The following ANKS1B variants were observed in gnomAD, a reference collection of about 807,000 sequenced individuals.
The protein encoded by ANKS1B is ankyrin repeat and sterile alpha motif domain-containing protein 1B.
A neutral mutation model predicts 148.3 loss-of-function variants in ANKS1B; 36 were observed. That is an observed-to-expected ratio of 0.24 (90% confidence interval 0.19 to 0.32). The LOEUF is 0.32. ANKS1B is among the 10% of genes least tolerant of loss of function. ANKS1B has a pLI of 1.00. For missense variants in ANKS1B, 1,157 were observed against 1,542.6 expected, an observed-to-expected ratio of 0.75 and a Z score of 4.19; for synonymous variants, 542 against 560.8, an observed-to-expected ratio of 0.97 and a Z score of 0.47.
Position 98,944,565 on chromosome 12 carries a change from C to T in ANKS1B, c.2778+108592G>A, listed in dbSNP as rs183134851. On this transcript the variant is annotated intron_variant, in intron 17 of 26. Transcript: ENST00000683438. ...CTGCCTACCAAAATAAATGTACACA[C>T]TATTATATATGCATACAAACTAGGA... Among the ~76,000 whole-genome samples the T allele has an allele frequency of 2.6e-3, 400 of 152,144 alleles. 5 individuals carry two copies. The East Asian group carries it at 0.048, about 18-fold the overall frequency.
chr12:99,019,429 G>T (rs1344783083), intron 17 of ANKS1B, among the ~76,000 whole-genome samples: 1 of 152,140 alleles, frequency 6.6e-6, no homozygotes, highest in Non-Finnish European at 1.5e-5. Context: ...AGTCATTATA[G>T]CTATTGTTTG....
chr12:99,453,068 A>G (rs1280555469), intron 10 of ANKS1B, among the ~76,000 whole-genome samples: 2 of 152,142 alleles, frequency 1.3e-5, no homozygotes, highest in African/African-American at 2.4e-5. Flanking sequence ...AGGTGGGCGG[A>G]TCACAAGGTC....
chr12:99,252,897 C>A (rs1237875278), intron 12 of ANKS1B, among the ~76,000 whole-genome samples: 1 of 151,936 alleles, frequency 6.6e-6, no homozygotes. Flanking sequence ...GTGAAAACAC[C>A]AAAGATGTGA....
At chr12:99,737,369 C>A (rs1279902226) in intron 8 of ANKS1B, among the ~76,000 whole-genome samples, 1 of 152,018 alleles carries the variant, frequency 6.6e-6, no homozygotes, top group Non-Finnish European at 1.5e-5. Context: ...ACAATGAGAT[C>A]CTGTCATTTG....
rs143558317 is a variant in ANKS1B at position 99,166,349 on chromosome 12, C to T, written c.2420-11954G>A. On this transcript the variant is annotated intron_variant, in intron 14 of 26. Coordinates refer to ENST00000683438, the MANE Select transcript of ANKS1B (RefSeq NM_001352186.2). ...GAACTGCTTCTTGCTTCTATTCCCA[C>T]ATGACATGATTTTCTATGTATAAAA... Among the ~76,000 whole-genome samples the T allele has an allele frequency of 6.8e-3, 1,026 of 151,918 alleles. 5 individuals carry two copies. The highest frequency in any genetic ancestry group is 9.6e-3 in the Non-Finnish European group (648 of 67,800).
At chr12:98,877,532 T>C (rs11109644) in intron 17 of ANKS1B, among the ~76,000 whole-genome samples, 58,660 of 152,098 alleles carry the variant, frequency 0.39, 12,517 homozygotes, top group Middle Eastern at 0.55. Context: ...CAAGGATGTA[T>C]ACATGGCAAG....
chr12:99,151,443 G>A (rs185560031), intron 15 of ANKS1B, among the ~76,000 whole-genome samples: 14 of 151,614 alleles, frequency 9.2e-5, no homozygotes, highest in Admixed American at 3.9e-4. Flanking sequence ...CAGGAGAATC[G>A]CTTGAACTGG....
chr12:99,967,936 A>T (rs997312712), intron 1 of ANKS1B, among the ~76,000 whole-genome samples: 2 of 151,880 alleles, frequency 1.3e-5, no homozygotes, highest in Non-Finnish European at 2.9e-5. Context: ...AAAAGAAAAA[A>T]GAAAAATGGA....
intron 9 of ANKS1B, among the ~76,000 whole-genome samples, chr12:99,540,434 A>G (rs184980519): frequency 4.6e-5 from 7 of 152,320 alleles, no homozygotes; most frequent in African/African-American, 1.7e-4. Flanking sequence ...AACAAGTCTC[A>G]ATACATTTTA....
At chr12:98,781,632 C>T in intron 23 of ANKS1B, 1 of 359,696 alleles carries the variant, frequency 2.8e-6, no homozygotes, top group South Asian at 2.2e-5. Context: ...ATGCACCCCC[C>T]CTTTTCCTAG....
chr12:98,807,922 A>G lies in ANKS1B; in HGVS notation c.3067-4T>C. On this transcript the variant is annotated splice_polypyrimidine_tract_variant and splice_region_variant and intron_variant, in intron 19 of 26. Transcript: ENST00000683438. ...ATATTTCACAGACAGACGACTGCTGATATAAACAGAAAACTATCTTATCTT... is the reference window on the plus strand; with the variant it reads ...ATATTTCACAGACAGACGACTGCTGGTATAAACAGAAAACTATCTTATCTT... The G allele has an allele frequency of 3.1e-6, 5 of 1,611,388 alleles. No individual in the cohort carries two copies. The highest frequency in any genetic ancestry group is 4.2e-6 in the Non-Finnish European group (5 of 1,178,308).
At chr12:99,321,181 T>G (rs2085194127) in intron 12 of ANKS1B, among the ~76,000 whole-genome samples, 1 of 152,198 alleles carries the variant, frequency 6.6e-6, no homozygotes, top group African/African-American at 2.4e-5. Context: ...CAGTCTGTCC[T>G]TTCTCCGATT....
chr12:99,024,374 T>C (rs934467282), intron 17 of ANKS1B, among the ~76,000 whole-genome samples: 4 of 152,336 alleles, frequency 2.6e-5, no homozygotes, highest in Admixed American at 1.3e-4. Context: ...TAATGTGCTG[T>C]CATTGCATTT....
chr12:99,684,467 G>T (rs140964829), intron 8 of ANKS1B, among the ~76,000 whole-genome samples: 2 of 151,282 alleles, frequency 1.3e-5, no homozygotes, highest in African/African-American at 4.8e-5. Flanking sequence ...ACTGCTGAAA[G>T]AAATCATAGA....
intron 10 of ANKS1B, among the ~76,000 whole-genome samples, chr12:99,465,352 A>T (rs2096081506): frequency 6.6e-6 from 1 of 152,250 alleles, no homozygotes; most frequent in Admixed American, 6.5e-5. Flanking sequence ...CAAATTGTAA[A>T]GACCATCGAG....
chr12:99,185,264 G>C (rs568134964), intron 14 of ANKS1B, among the ~76,000 whole-genome samples: 2 of 152,150 alleles, frequency 1.3e-5, no homozygotes, highest in African/African-American at 4.8e-5. Context: ...ATGTATGAGA[G>C]GCTTTCCAGT....
intron 10 of ANKS1B, among the ~76,000 whole-genome samples, chr12:99,454,908 A>G (rs1387458147): frequency 6.6e-6 from 1 of 152,234 alleles, no homozygotes; most frequent in Non-Finnish European, 1.5e-5. Context: ...TTCCCTCCCA[A>G]TGCTTACTTT....
intron 17 of ANKS1B, among the ~76,000 whole-genome samples, chr12:98,970,672 G>A (rs1916281): frequency 0.3 from 45,563 of 151,740 alleles, 7,673 homozygotes; most frequent in African/African-American, 0.46. Context: ...CATCCTCAGT[G>A]ACTCTAATGG....
At chr12:99,705,020 C>G (rs965255355) in intron 8 of ANKS1B, among the ~76,000 whole-genome samples, 4 of 151,884 alleles carry the variant, frequency 2.6e-5, no homozygotes, top group African/African-American at 9.7e-5. Flanking sequence ...GAACTGGATC[C>G]AAAGCTAGCC....
Sources: gnomAD v4.1 joint callset for allele counts (sites outside exome capture counted in the v4.1 genomes callset) on GRCh38, gnomAD v4.1.1 for gene constraint, MANE v1.5 for transcripts, NCBI Gene and HGNC (gene_info 2026-07-23, HGNC 2026-07-21) for gene names.